The following ST6GAL2 variants were observed in gnomAD, a reference collection of about 807,000 sequenced individuals.
The protein encoded by ST6GAL2 is beta-galactoside alpha-2,6-sialyltransferase 2.
In ST6GAL2, 24 loss-of-function variants were observed where a neutral mutation model predicts 37.5. The ratio of observed to expected loss-of-function variants is 0.64; its 90% CI spans 0.46 to 0.90. ST6GAL2 has a LOEUF of 0.90. Among genes scored for constraint, ST6GAL2 ranks in the 40% least tolerant of loss-of-function variants. The pLI is 0.00. For synonymous variants in ST6GAL2, 306 were observed against 295.1 expected (o/e 1.04, Z -0.38); for missense variants, 715 against 712.7 (o/e 1.00, Z -0.04).
rs367555800 is a variant in ST6GAL2, at chr2:106,806,825, C to T, written c.1443G>A (p.Ala481=). The change falls in exon 6 of 6, where the codon GCG becomes GCA. Residue 481 remains alanine, a synonymous_variant. Transcript: ENST00000409382. ...LYYDAACTLG[A]YHPLLYEKLL... is the part of the protein sequence containing the mutation. ...GCTTCTCATAGAGTAGTGGGTGGTACGCCCCGAGGGTGCAGGCTGCGTCGT... is the reference window on the plus strand; with the variant it reads ...GCTTCTCATAGAGTAGTGGGTGGTATGCCCCGAGGGTGCAGGCTGCGTCGT... 1.3e-4 allele frequency: 205 copies of T among 1,614,046 alleles called. No individual in the cohort carries two copies. Among genetic ancestry groups the T allele is most frequent in the Non-Finnish European group, 1.5e-4 (172 of 1,180,052 alleles).
chr2:106,858,629 G>A (rs1677676610), intron 1 of ST6GAL2, among the ~76,000 whole-genome samples: 2 of 152,170 alleles, frequency 1.3e-5, no homozygotes, highest in Non-Finnish European at 2.9e-5. Flanking sequence ...AACAAGAGTG[G>A]GAGTTGAAGT....
chr2:106,830,244 A>C lies in ST6GAL2; in HGVS notation c.1144-4T>G, dbSNP rs1305259432. 6.2e-7 allele frequency: 1 copy of C among 1,606,204 alleles called. No homozygotes were observed. Among genetic ancestry groups the C allele is most frequent in the South Asian group, 1.1e-5 (1 of 90,648 alleles). On this transcript the variant is annotated splice_region_variant and splice_polypyrimidine_tract_variant and intron_variant, in intron 4 of 5. Coordinates refer to ENST00000409382, the MANE Select transcript of ST6GAL2 (RefSeq NM_001142351.2). ...TGTAATCCGGTTTTTTGTACCACTA[A>C]GGAAAAAAAAATCAATGCAGTCAAG...
chr2:106,884,415 T>C (rs546188818), intron 1 of ST6GAL2, among the ~76,000 whole-genome samples: 7 of 152,342 alleles, frequency 4.6e-5, no homozygotes, highest in African/African-American at 1.4e-4. Flanking sequence ...TCCTAGATCC[T>C]GTGCACCACA....
intron 1 of ST6GAL2, among the ~76,000 whole-genome samples, chr2:106,865,525 G>C (rs1024730502): frequency 6.6e-6 from 1 of 152,164 alleles, no homozygotes; most frequent in African/African-American, 2.4e-5. Context: ...GAAAACACCC[G>C]GTCAGCAGGT....
intron 1 of ST6GAL2, among the ~76,000 whole-genome samples, chr2:106,865,194 T>A (rs1443588457): frequency 6.6e-6 from 1 of 152,166 alleles, no homozygotes; most frequent in Non-Finnish European, 1.5e-5. Context: ...GTATTTGCCA[T>A]CTTTGCTTTT....
intron 1 of ST6GAL2, among the ~76,000 whole-genome samples, chr2:106,856,492 C>T (rs985293253): frequency 2.0e-5 from 3 of 152,194 alleles, no homozygotes; most frequent in African/African-American, 7.2e-5. Context: ...TGCTCATCTC[C>T]AGGACAAAAG....
intron 1 of ST6GAL2, among the ~76,000 whole-genome samples, chr2:106,851,600 A>G (rs530987472): frequency 2.0e-4 from 30 of 152,020 alleles, no homozygotes; most frequent in Admixed American, 1.1e-3. Flanking sequence ...CACTTTAACG[A>G]TGTCCCTCTT....
intron 5 of ST6GAL2, among the ~76,000 whole-genome samples, chr2:106,827,161 T>C (rs1165399096): frequency 6.6e-6 from 1 of 152,176 alleles, no homozygotes; most frequent in African/African-American, 2.4e-5. Flanking sequence ...CCTCAGAGCA[T>C]GAAGGGGGCA....
chr2:106,821,324 A>G (rs148968127), intron 5 of ST6GAL2, among the ~76,000 whole-genome samples: 43 of 151,626 alleles, frequency 2.8e-4, no homozygotes, highest in African/African-American at 1.0e-3. Context: ...GATGTCACAA[A>G]AATCCAAAGG....
At chr2:106,827,107 A>G (rs1676238765) in intron 5 of ST6GAL2, among the ~76,000 whole-genome samples, 1 of 152,222 alleles carries the variant, frequency 6.6e-6, no homozygotes, top group Non-Finnish European at 1.5e-5. Flanking sequence ...GCACTTGGAA[A>G]CAATGAGGTG....
At chr2:106,872,780 T>C (rs1321304232) in intron 1 of ST6GAL2, among the ~76,000 whole-genome samples, 1 of 152,058 alleles carries the variant, frequency 6.6e-6, no homozygotes. Flanking sequence ...TTTTTGTATT[T>C]TTAGTAGAGA....
chr2:106,852,861 A>G (rs991405381), intron 1 of ST6GAL2, among the ~76,000 whole-genome samples: 3 of 152,168 alleles, frequency 2.0e-5, no homozygotes, highest in African/African-American at 7.2e-5. Context: ...CCACTGGCCA[A>G]ATGCCTGTGC....
chr2:106,826,863 G>A (rs752515960), intron 5 of ST6GAL2, among the ~76,000 whole-genome samples: 1 of 152,188 alleles, frequency 6.6e-6, no homozygotes, highest in Non-Finnish European at 1.5e-5. Flanking sequence ...TGTATCTAAT[G>A]AGCATATCAG....
rs751308555 is a variant in ST6GAL2, at chr2:106,802,311, C to T, written c.*4367G>A. 6.6e-6 allele frequency: 1 copy of T among 152,084 alleles called. No homozygotes were observed. The highest frequency in any genetic ancestry group is 1.5e-5 in the Non-Finnish European group (1 of 68,028). The allele number at this position is 152,084 out of a possible 1,614,324, so 9.4% of individuals were successfully genotyped here. On this transcript the variant is annotated 3_prime_UTR_variant, in exon 6 of 6. Coordinates refer to ENST00000409382, the MANE Select transcript of ST6GAL2 (RefSeq NM_001142351.2). ...TGATGAAAAAGCAATATAAAACCAACCATGTGTGTAGATATGTATATACAC... is the reference window on the plus strand; with the variant it reads ...TGATGAAAAAGCAATATAAAACCAATCATGTGTGTAGATATGTATATACAC...
At chr2:106,825,305 T>C (rs1676160598) in intron 5 of ST6GAL2, among the ~76,000 whole-genome samples, 1 of 152,230 alleles carries the variant, frequency 6.6e-6, no homozygotes, top group Non-Finnish European at 1.5e-5. Flanking sequence ...AGCAGTGCTA[T>C]GGAGAGAGGT....
chr2:106,860,085 T>C (rs2104577211), intron 1 of ST6GAL2, among the ~76,000 whole-genome samples: 1 of 152,248 alleles, frequency 6.6e-6, no homozygotes, highest in Non-Finnish European at 1.5e-5. Context: ...GGCTTCCTCC[T>C]AGTTTTGTTG....
At chr2:106,835,192 T>C (rs1676586161) in intron 2 of ST6GAL2, among the ~76,000 whole-genome samples, 1 of 152,210 alleles carries the variant, frequency 6.6e-6, no homozygotes, top group Non-Finnish European at 1.5e-5. Flanking sequence ...GCTTTAAATA[T>C]CTCATGCAGA....
chr2:106,840,993 C>T (rs1355638817), intron 2 of ST6GAL2, among the ~76,000 whole-genome samples: 1 of 152,204 alleles, frequency 6.6e-6, no homozygotes, highest in Non-Finnish European at 1.5e-5. Flanking sequence ...TAAACCACTG[C>T]TTCTTCTTAA....
chr2:106,812,475 C>G (rs931046707), intron 5 of ST6GAL2, among the ~76,000 whole-genome samples: 1 of 152,136 alleles, frequency 6.6e-6, no homozygotes, highest in Non-Finnish European at 1.5e-5. Context: ...TCCAGACTCT[C>G]GGAAGGAAAG....
Sources: allele counts gnomAD v4.1 joint callset (sites outside exome capture counted in the v4.1 genomes callset), GRCh38; gene constraint gnomAD v4.1.1; transcripts MANE v1.5; gene names NCBI Gene and HGNC (gene_info 2026-07-23, HGNC 2026-07-21).